Variants in NAF1 observed in about 807,000 individuals in gnomAD.
NAF1 encodes H/ACA ribonucleoprotein complex non-core subunit NAF1.
A neutral mutation model predicts 40.6 loss-of-function variants in NAF1; 11 were observed. That is an observed-to-expected ratio of 0.27 (90% CI 0.17 to 0.45). NAF1 has a LOEUF of 0.45. Ranked by LOEUF, NAF1 falls within the 20% of genes least tolerant of loss-of-function variation. NAF1 has a pLI of 1.00. For synonymous variants in NAF1, 260 were observed against 228.5 expected (o/e 1.14, Z -1.24); for missense variants, 607 against 611.1 (o/e 0.99, Z 0.07).
downstream of NAF1, chr4:163,108,816 C>T (rs1376734530): frequency 1.3e-5 from 2 of 152,136 alleles, no homozygotes; most frequent in Non-Finnish European, 2.9e-5. Context: ...TACTATGTGC[C>T]AGGCATTATG....
intron 2 of NAF1, among the ~76,000 whole-genome samples, chr4:163,152,786 C>T (rs556845659): frequency 1.3e-5 from 2 of 152,228 alleles, no homozygotes; most frequent in Non-Finnish European, 2.9e-5. Flanking sequence ...ACTGTGGGAG[C>T]CCCTTTCTGG....
downstream of NAF1, among the ~76,000 whole-genome samples, chr4:163,105,305 T>C (rs1039561340): frequency 9.2e-5 from 14 of 152,208 alleles, no homozygotes; most frequent in African/African-American, 3.1e-4. Context: ...ACAGCTCTAA[T>C]AGCATTATTA....
chr4:163,113,769 C>A (rs1440106774), intron 2 of NAF1, among the ~76,000 whole-genome samples: 1 of 152,224 alleles, frequency 6.6e-6, no homozygotes, highest in African/African-American at 2.4e-5. Flanking sequence ...TTTATTCCCA[C>A]AATAATGTTT....
chr4:163,112,063 A>T (rs1730176640), intron 2 of NAF1, among the ~76,000 whole-genome samples: 2 of 152,086 alleles, frequency 1.3e-5, no homozygotes, highest in Admixed American at 1.3e-4. Flanking sequence ...GGAGTCTGAG[A>T]TTATTAATAA....
chr4:163,157,958 G>C (rs368632218), intron 2 of NAF1, among the ~76,000 whole-genome samples: 1 of 152,026 alleles, frequency 6.6e-6, no homozygotes, highest in Non-Finnish European at 1.5e-5. Flanking sequence ...ATTTGTGAAG[G>C]CTTATTGAGC....
intron 7 of NAF1, among the ~76,000 whole-genome samples, chr4:163,131,203 A>G (rs776959154): frequency 1.3e-5 from 2 of 152,172 alleles, no homozygotes; most frequent in African/African-American, 2.4e-5. Context: ...GACTTCTTAG[A>G]TAGGACATCA....
chr4:163,111,777 A>G (rs922805215), intron 2 of NAF1, among the ~76,000 whole-genome samples: 12 of 152,200 alleles, frequency 7.9e-5, no homozygotes, highest in Non-Finnish European at 1.6e-4. Context: ...ATTTCTTCGA[A>G]TTGTGCACTA....
chr4:163,137,192 T>C lies in NAF1; in HGVS notation c.930+7A>G, dbSNP rs368341637. 2.0e-5 allele frequency: 32 copies of C among 1,612,216 alleles called. No individual in the cohort carries two copies. The African/African-American group carries it at 2.7e-4, about 13-fold the overall frequency. On this transcript the variant is annotated splice_region_variant and intron_variant, in intron 6 of 7. Coordinates refer to ENST00000274054, the MANE Select transcript of NAF1 (RefSeq NM_138386.3). ...ATAAAATGTTGCATAAAAAGACTTA[T>C]ACTTACCTCTGGTGGTGGTTCCTGA... is the stretch of plus-strand genomic sequence containing the variant.
At chr4:163,128,067 C>T (rs948561516), downstream of NAF1, among the ~76,000 whole-genome samples, 1 of 152,216 alleles carries the variant, frequency 6.6e-6, no homozygotes, top group Non-Finnish European at 1.5e-5. Flanking sequence ...ATTTCCCTTA[C>T]ATTGACACTT....
chr4:163,162,295 G>A (rs749135014), intron 2 of NAF1, among the ~76,000 whole-genome samples: 5 of 152,144 alleles, frequency 3.3e-5, no homozygotes, highest in Admixed American at 6.5e-5. Flanking sequence ...TTGAAACCCC[G>A]AAGAAGTCCT....
At chr4:163,131,152 T>C (rs1253180574) in intron 7 of NAF1, among the ~76,000 whole-genome samples, 4 of 152,226 alleles carry the variant, frequency 2.6e-5, no homozygotes. Context: ...ATTACAGGCA[T>C]TGGGCCACTG....
chr4:163,157,822 T>C (rs1732051676), intron 2 of NAF1, among the ~76,000 whole-genome samples: 1 of 152,110 alleles, frequency 6.6e-6, no homozygotes, highest in Non-Finnish European at 1.5e-5. Flanking sequence ...AATGAGGTTA[T>C]AGACATACCA....
chr4:163,113,539 G>A (rs1299322988), intron 2 of NAF1, among the ~76,000 whole-genome samples: 2 of 151,978 alleles, frequency 1.3e-5, no homozygotes, highest in African/African-American at 4.8e-5. Context: ...AAGTTCAGCC[G>A]CCCACAGGAT....
In NAF1 at chr4:163,159,468, T is replaced by A. The variant is rs551440279; in HGVS notation, c.540+4749A>T. Among the ~76,000 whole-genome samples the A allele has an allele frequency of 2.0e-5, 3 of 152,226 alleles. No individual in the cohort carries two copies. The South Asian group carries it at 6.2e-4, about 32-fold the overall frequency. On this transcript the variant is annotated intron_variant, in intron 2 of 7. Transcript: ENST00000274054. Reference sequence around the variant, plus strand: ...AGGCCTGCATTCAGGACAAAATTTATAAACCAACTTATGCCTAGAAAACAA... The same window carrying A: ...AGGCCTGCATTCAGGACAAAATTTAAAAACCAACTTATGCCTAGAAAACAA...
At position 163,128,829 on chromosome 4, in the gene NAF1, T is replaced by C. The variant is rs1730748001; in HGVS notation, c.*68A>G. The C allele has an allele frequency of 2.1e-6, 3 of 1,427,432 alleles. No homozygotes were observed. The highest frequency in any genetic ancestry group is 1.9e-6 in the Non-Finnish European group (2 of 1,076,326). The allele number at this position is 1,427,432 out of a possible 1,614,324, so 88.4% of individuals were successfully genotyped here. ...TTTAAAAATCTAGCTCCATAATCAC[T>C]CTTGAAAAAAAAAAATCCTTACCAC... On this transcript the variant is annotated 3_prime_UTR_variant, in exon 8 of 8. Transcript: ENST00000274054.
chr4:163,163,345 A>G (rs1036948370), intron 2 of NAF1, among the ~76,000 whole-genome samples: 8 of 152,204 alleles, frequency 5.3e-5, no homozygotes, highest in Non-Finnish European at 1.2e-4. Context: ...CCATTCATGA[A>G]AAAGGCTCCT....
rs935757331 is a variant in NAF1, at chr4:163,133,211, T to A, written c.976A>T (p.Arg326Trp). ...DDEKEKEAKQ[R>W]KKSQIQGRKK... is the part of the protein sequence containing the mutation. The stretch of plus-strand genomic sequence containing the variant: ...CGGCCTTGAATCTGAGATTTTTTCC[T>A]CTGTTTGGCTTCCTTCTCTTTTTCA... Residue 326 changes from arginine (R) to tryptophan (W), a missense_variant, in exon 7 of 8, where the codon AGG (arginine) becomes TGG (tryptophan). By Grantham distance (101) the Arg-to-Trp change is moderately radical. Around this residue, in one of 3 missense-constraint regions of NAF1, gnomAD observed 189 missense variants for 216.6 expected, o/e 0.87. Transcript: ENST00000274054. The A allele has an allele frequency of 1.9e-6, 3 of 1,613,774 alleles. No homozygotes were observed. Among genetic ancestry groups the A allele is most frequent in the Admixed American group, 1.7e-5 (1 of 60,000 alleles).
the NAF1 span, among the ~76,000 whole-genome samples, chr4:163,104,448 G>A: frequency 6.6e-6 from 1 of 152,130 alleles, no homozygotes; most frequent in Non-Finnish European, 1.5e-5. Context: ...TTGTAAAAAT[G>A]GCTATAAAAA....
At chr4:163,110,434 C>G (rs901745303) in intron 2 of NAF1, 25 of 604,470 alleles carry the variant, frequency 4.1e-5, no homozygotes, top group Non-Finnish European at 7.0e-5. Flanking sequence ...CTAAATTAAT[C>G]TTTATCATAG....
Sources: allele counts gnomAD v4.1 joint callset (sites outside exome capture counted in the v4.1 genomes callset), GRCh38; gene constraint gnomAD v4.1.1; regional missense constraint gnomAD v4.1.1; transcripts MANE v1.5; gene names NCBI Gene and HGNC (gene_info 2026-07-23, HGNC 2026-07-21).